CCDC7: variants seen among roughly 807,000 people sequenced by gnomAD.
CCDC7 encodes the protein coiled-coil domain-containing protein 7.
In CCDC7, 183 loss-of-function variants were observed where a neutral mutation model predicts 196.9. The observed-to-expected ratio is 0.93, with a 90% CI of 0.82 to 1.05. The LOEUF (loss-of-function observed/expected upper bound fraction) is 1.05. Ranked by LOEUF, CCDC7 falls within the 50% of genes least tolerant of loss-of-function variation. CCDC7 has a pLI of 0.00. For synonymous variants in CCDC7, 525 were observed against 484.6 expected, an observed-to-expected ratio of 1.08 and a Z score of -1.10; for missense variants, 1,540 against 1,482.2, an observed-to-expected ratio of 1.04 and a Z score of -0.64.
chr10:32,614,548 C>T (rs965149831), intron 18 of CCDC7, among the ~76,000 whole-genome samples: 5 of 152,084 alleles, frequency 3.3e-5, no homozygotes, highest in African/African-American at 1.2e-4. Flanking sequence ...TCAACATGTG[C>T]ATATTTCTTA....
intron 28 of CCDC7, among the ~76,000 whole-genome samples, chr10:32,767,448 G>A (rs1016754178): frequency 6.6e-6 from 1 of 152,102 alleles, no homozygotes; most frequent in Non-Finnish European, 1.5e-5. Context: ...TCTTTTAGAA[G>A]CAATTAAAAA....
chr10:32,711,839 T>TAAA (rs755171462), intron 25 of CCDC7, 109 bp downstream of exon 26: 15 of 544,896 alleles, frequency 2.8e-5, no homozygotes, highest in Non-Finnish European at 3.7e-5. Flanking sequence ...TATTGATAAT[T>TAAA]TATACTCTGT....
chr10:32,572,728 C>A (rs2057720407), intron 16 of CCDC7, among the ~76,000 whole-genome samples: 1 of 151,762 alleles, frequency 6.6e-6, no homozygotes, highest in Non-Finnish European at 1.5e-5. Flanking sequence ...TTATTGATTT[C>A]TTTATATTTT....
intron 41 of CCDC7, among the ~76,000 whole-genome samples, chr10:32,871,964 G>A (rs994990100): frequency 2.0e-5 from 3 of 152,280 alleles, no homozygotes; most frequent in Middle Eastern, 3.4e-3. Context: ...TGGTCTGAGA[G>A]ACAGTTTGTT....
rs564566462 is a variant in CCDC7 at position 32,705,300 on chromosome 10, C to G, written c.2459-6320C>G. 3.3e-5 allele frequency among the ~76,000 whole-genome samples: 5 copies of G among 152,130 alleles called. No homozygotes were observed. In the South Asian group the frequency reaches 1.0e-3, roughly 32 times the overall value. On this transcript the variant is annotated intron_variant, in intron 24 of 41. Transcript: ENST00000639629. ...TTTTGTCGCCACCAGGCCTGCCTTA[C>G]AAAAGCTCCTGAAGGAAGCGCTAAA...
At chr10:32,705,107 T>A (rs1173523827) in intron 24 of CCDC7, among the ~76,000 whole-genome samples, 1 of 152,152 alleles carries the variant, frequency 6.6e-6, no homozygotes, top group Admixed American at 6.5e-5. Flanking sequence ...GCATTGCTCA[T>A]GCTGGGAGCT....
chr10:32,446,899 TG>T (rs1293523395), upstream of CCDC7, among the ~76,000 whole-genome samples: 1 of 76,282 alleles, frequency 1.3e-5, no homozygotes, highest in African/African-American at 3.0e-5. Flanking sequence ...CCTGCCTGCC[TG>T]CCTGCCTCCC....
At chr10:32,667,626 A>G (rs1380135141) in intron 21 of CCDC7, among the ~76,000 whole-genome samples, 2 of 152,144 alleles carry the variant, frequency 1.3e-5, no homozygotes, top group African/African-American at 2.4e-5. Flanking sequence ...TAAATAGGGA[A>G]TCCTTTCCCC....
intron 28 of CCDC7, among the ~76,000 whole-genome samples, chr10:32,756,615 A>G (rs1311890797): frequency 6.6e-6 from 1 of 152,234 alleles, no homozygotes; most frequent in African/African-American, 2.4e-5. Context: ...CTAAACATGG[A>G]AAGGAACAAC....
chr10:32,532,753 A>T lies in CCDC7; in HGVS notation c.994-10547A>T, dbSNP rs562095152. On this transcript the variant is annotated intron_variant, in intron 11 of 41. Coordinates refer to ENST00000639629, the Ensembl canonical transcript of CCDC7. Reference sequence around the variant, plus strand: ...TGACTTTGTCTCTTTTTGCAATCTTAGATTTATAGTCTATTTTATCTAAGT... The same window carrying T: ...TGACTTTGTCTCTTTTTGCAATCTTTGATTTATAGTCTATTTTATCTAAGT... Among the ~76,000 whole-genome samples the T allele has an allele frequency of 5.8e-4, 88 of 152,176 alleles. 1 individual carries two copies. The highest frequency in any genetic ancestry group is 3.4e-3 in the Middle Eastern group (1 of 294).
chr10:32,544,350 C>A, intron 13 of CCDC7, 49 bp downstream of exon 14: 1 of 1,553,872 alleles, frequency 6.4e-7, no homozygotes, highest in South Asian at 1.2e-5. Flanking sequence ...AATACTTGCT[C>A]TGATAGTCAT....
chr10:32,734,803 A>G (rs924188761), intron 28 of CCDC7, among the ~76,000 whole-genome samples: 1 of 152,092 alleles, frequency 6.6e-6, no homozygotes, highest in African/African-American at 2.4e-5. Context: ...AGGGTGAGGC[A>G]GGAGAATTGC....
At chr10:32,869,161 T>A (rs1298850361) in intron 41 of CCDC7, among the ~76,000 whole-genome samples, 1 of 152,196 alleles carries the variant, frequency 6.6e-6, no homozygotes, top group East Asian at 1.9e-4. Context: ...TCCACAATGG[T>A]TGAACTAGTT....
intron 24 of CCDC7, among the ~76,000 whole-genome samples, chr10:32,698,481 A>G (rs775912517): frequency 3.7e-4 from 56 of 152,208 alleles, no homozygotes; most frequent in Non-Finnish European, 6.8e-4. Context: ...CTGGCTAACT[A>G]GAATAAACAG....
chr10:32,741,749 A>G (rs1209494559), intron 28 of CCDC7, among the ~76,000 whole-genome samples: 1 of 152,026 alleles, frequency 6.6e-6, no homozygotes, highest in African/African-American at 2.4e-5. Flanking sequence ...TGTTTGTTTC[A>G]TCAATTATTG....
At chr10:32,722,921 T>C (rs1353472766) in intron 25 of CCDC7, among the ~76,000 whole-genome samples, 2 of 152,146 alleles carry the variant, frequency 1.3e-5, no homozygotes, top group Non-Finnish European at 2.9e-5. Context: ...CCGTTCTTCA[T>C]AGGCACATAG....
At chr10:32,686,705 C>G (rs1489522882) in intron 22 of CCDC7, among the ~76,000 whole-genome samples, 3 of 152,230 alleles carry the variant, frequency 2.0e-5, no homozygotes, top group African/African-American at 7.2e-5. Flanking sequence ...TTGACAGTTA[C>G]CTCCTCAGGA....
intron 21 of CCDC7, among the ~76,000 whole-genome samples, chr10:32,666,645 C>T (rs1028938647): frequency 5.2e-4 from 78 of 151,002 alleles, no homozygotes; most frequent in Non-Finnish European, 6.3e-4. Context: ...TTTGTCCTTG[C>T]GATAGTTTGC....
At chr10:32,871,813 T>G (rs2094441373) in intron 41 of CCDC7, among the ~76,000 whole-genome samples, 1 of 133,362 alleles carries the variant, frequency 7.5e-6, no homozygotes, top group South Asian at 2.3e-4. Flanking sequence ...TTTGTTCTCA[T>G]TGGTTTCAAA....
Sources: gnomAD v4.1 joint callset for allele counts (sites outside exome capture counted in the v4.1 genomes callset) on GRCh38, gnomAD v4.1.1 for gene constraint, MANE v1.5 for transcripts, NCBI Gene and HGNC (gene_info 2026-07-23, HGNC 2026-07-21) for gene names.